ABL1: variants seen among roughly 807,000 people sequenced by gnomAD.
ABL1 encodes the protein ABL proto-oncogene 1, non-receptor tyrosine kinase.
A neutral mutation model predicts 94.7 loss-of-function variants in ABL1; 11 were observed. That is an observed-to-expected ratio of 0.12 (90% confidence interval 0.07 to 0.19). ABL1 has a LOEUF of 0.19. ABL1 is among the 10% of genes least tolerant of loss of function. The probability of loss-of-function intolerance (pLI) is 1.00; values close to 1 mark genes in which losing one functional copy is unlikely to be tolerated. For missense variants in ABL1, 1,082 were observed against 1,489.4 expected (o/e 0.73, Z 4.50); for synonymous variants, 656 against 622.4 (o/e 1.05, Z -0.80).
intron 1 of ABL1, among the ~76,000 whole-genome samples, chr9:130,795,835 AC>A (rs1465546725): frequency 2.6e-5 from 4 of 152,236 alleles, no homozygotes; most frequent in African/African-American, 9.7e-5. Flanking sequence ...TCCTGCTCTG[AC>A]TTTTCTAAAA....
chr9:130,730,637 T>G (rs1831652632), intron 1 of ABL1, among the ~76,000 whole-genome samples: 1 of 152,020 alleles, frequency 6.6e-6, no homozygotes, highest in African/African-American at 2.4e-5. Context: ...AGTGGCACAG[T>G]CTCGGCTCAC....
chr9:130,788,624 T>C (rs1037178066), intron 1 of ABL1, among the ~76,000 whole-genome samples: 1 of 152,238 alleles, frequency 6.6e-6, no homozygotes, highest in African/African-American at 2.4e-5. Flanking sequence ...TGCATTAATT[T>C]GTCATGATCT....
intron 1 of ABL1, among the ~76,000 whole-genome samples, chr9:130,798,408 C>G (rs529072690): frequency 6.6e-6 from 1 of 152,260 alleles, no homozygotes; most frequent in South Asian, 2.1e-4. Context: ...TATTAAGTAT[C>G]GCTTGCAGTG....
At chr9:130,728,865 A>T (rs917991885) in intron 1 of ABL1, among the ~76,000 whole-genome samples, 1 of 152,074 alleles carries the variant, frequency 6.6e-6, no homozygotes, top group African/African-American at 2.4e-5. Flanking sequence ...TCTGTACATT[A>T]TGAGTCAGAT....
intron 1 of ABL1, among the ~76,000 whole-genome samples, chr9:130,828,045 A>G (rs1477235728): frequency 6.6e-6 from 1 of 151,766 alleles, no homozygotes; most frequent in Non-Finnish European, 1.5e-5. Flanking sequence ...TAAAAACAAT[A>G]ACAATCAGAA....
upstream of ABL1, among the ~76,000 whole-genome samples, chr9:130,830,916 G>C (rs1362655503): frequency 6.6e-6 from 1 of 152,204 alleles, no homozygotes; most frequent in African/African-American, 2.4e-5. Flanking sequence ...CTCGTGACCA[G>C]CAGGTAGTGC....
At chr9:130,723,863 G>C (rs1162459563) in intron 1 of ABL1, among the ~76,000 whole-genome samples, 1 of 151,820 alleles carries the variant, frequency 6.6e-6, no homozygotes, top group Admixed American at 6.6e-5. Flanking sequence ...CCAGGCTGGA[G>C]TGCAGTGGCG....
chr9:130,877,863 G>A, intron 7 of ABL1, among the ~76,000 whole-genome samples: 1 of 149,332 alleles, frequency 6.7e-6, no homozygotes, highest in Non-Finnish European at 1.5e-5. Context: ...CTGGAGTGCA[G>A]TGGCGCGATC....
chr9:130,772,629 G>A (rs923770554), intron 1 of ABL1, among the ~76,000 whole-genome samples: 1 of 152,142 alleles, frequency 6.6e-6, no homozygotes, highest in Non-Finnish European at 1.5e-5. Context: ...GTACTGAGGT[G>A]GAATTTCACC....
Position 130,880,805 on chromosome 9 carries a change from C to T in ABL1, c.1678+141C>T, listed in dbSNP as rs535613895. 159 of 1,092,552 alleles carry T rather than the reference C, an allele frequency of 1.5e-4. No individual in the cohort carries two copies. The highest frequency in any genetic ancestry group is 1.8e-4 in the Non-Finnish European group (145 of 784,270). 67.7% of individuals were successfully genotyped at this position (1,092,552 alleles called of 1,614,324 possible). ...ATGGCCTTTGTCAATGGTTCAGCTTCGGAAGGAGGAAGGTTCTCCTCTCCC... is the reference window on the plus strand; with the variant it reads ...ATGGCCTTTGTCAATGGTTCAGCTTTGGAAGGAGGAAGGTTCTCCTCTCCC... On this transcript the variant is annotated intron_variant, in intron 10 of 10. Transcript: ENST00000318560. This position sits in a 1 kb window ranked among gnomAD's most constrained non-coding sequence, Gnocchi z 4.4.
At chr9:130,869,917 C>T (rs1369955140) in intron 4 of ABL1, among the ~76,000 whole-genome samples, 17 of 152,148 alleles carry the variant, frequency 1.1e-4, no homozygotes, top group African/African-American at 2.4e-4. Flanking sequence ...CTCCTGCTCC[C>T]GAATTCAAGT....
At chr9:130,768,591 G>C (rs1832213342) in intron 1 of ABL1, among the ~76,000 whole-genome samples, 1 of 152,228 alleles carries the variant, frequency 6.6e-6, no homozygotes, top group African/African-American at 2.4e-5. Context: ...CAGTGAAGAA[G>C]AACGGTAGTA....
At chr9:130,848,881 G>A (rs1010751694) in intron 1 of ABL1, among the ~76,000 whole-genome samples, 5 of 152,142 alleles carry the variant, frequency 3.3e-5, no homozygotes, top group African/African-American at 1.2e-4. Context: ...GAAGGTTGCA[G>A]TGAGCAGAGA....
In ABL1 at chr9:130,880,249, A is replaced by G; in HGVS notation, c.1513+92A>G. ...GTCATTCGGTTCACTTCCTGGTGAA[A>G]GTTCACAGACCAGCCTGTCCTGAGA... On this transcript the variant is annotated intron_variant, in intron 9 of 10. Transcript: ENST00000318560. The surrounding 1 kb of genome is among the most constrained non-coding windows in gnomAD (Gnocchi z 4.4). 2.2e-6 allele frequency: 3 copies of G among 1,385,112 alleles called. No individual in the cohort carries two copies. The highest frequency in any genetic ancestry group is 3.1e-6 in the Non-Finnish European group (3 of 974,590). The allele number at this position is 1,385,112 out of a possible 1,614,324, so 85.8% of individuals were successfully genotyped here.
chr9:130,874,683 G>A (rs192672240), intron 6 of ABL1, among the ~76,000 whole-genome samples, 185 bp from the exon 7 acceptor site: 1 of 152,274 alleles, frequency 6.6e-6, no homozygotes, highest in East Asian at 1.9e-4. Flanking sequence ...CCCCATGTTG[G>A]GATCTCAGGG....
intron 1 of ABL1, among the ~76,000 whole-genome samples, chr9:130,786,235 G>C: frequency 6.6e-6 from 1 of 152,162 alleles, no homozygotes. Flanking sequence ...GGGGCCCTGG[G>C]GCAGAGGGCC....
intron 10 of ABL1, among the ~76,000 whole-genome samples, chr9:130,882,152 A>C (rs1017082995): frequency 2.0e-5 from 3 of 151,980 alleles, no homozygotes; most frequent in African/African-American, 7.3e-5. Flanking sequence ...AGCAGTAGGG[A>C]GGAGAGGCCT....
At chr9:130,868,250 AC>A (rs1160296816) in intron 4 of ABL1, among the ~76,000 whole-genome samples, 1 of 152,002 alleles carries the variant, frequency 6.6e-6, no homozygotes, top group Non-Finnish European at 1.5e-5. Flanking sequence ...GAGCCACCAC[AC>A]CCAGCAGTCT....
At position 130,733,547 on chromosome 9, in the gene ABL1, G is replaced by A. The variant is rs138241634; in HGVS notation, c.136+19092G>A. Among the ~76,000 whole-genome samples the A allele has an allele frequency of 4.9e-3, 741 of 150,054 alleles. 3 individuals carry two copies. The highest frequency in any genetic ancestry group is 8.0e-3 in the Non-Finnish European group (543 of 67,792). ...CTCTCAGGTAGCTGTGAGTACAGGC[G>A]TGCACCACTGCGCCTGGCTGTAAAG... On this transcript the variant is annotated intron_variant, in intron 1 of 10. Transcript: ENST00000372348.
Sources: gnomAD v4.1 joint callset for allele counts (sites outside exome capture counted in the v4.1 genomes callset) on GRCh38, gnomAD v4.1.1 for gene constraint, Gnocchi (gnomAD v3.1) non-coding constraint, MANE v1.5 for transcripts, NCBI Gene and HGNC (gene_info 2026-07-23, HGNC 2026-07-21) for gene names.